Variants in TCTN3 observed in about 807,000 individuals in gnomAD.
The protein encoded by TCTN3 is tectonic family member 3.
Under a neutral mutation model 71.3 loss-of-function variants are expected in TCTN3, and 57 were observed. The ratio of observed to expected loss-of-function variants is 0.80; its 90% CI spans 0.65 to 1.00. The LOEUF is 1.00. TCTN3 is among the 50% of genes least tolerant of loss of function. The pLI is 0.00. For missense variants in TCTN3, 696 were observed against 719.9 expected, an observed-to-expected ratio of 0.97 and a Z score of 0.38; for synonymous variants, 258 against 267.8, an observed-to-expected ratio of 0.96 and a Z score of 0.36.
In TCTN3 at chr10:95,685,199, A is replaced by G. The variant is rs145755210; in HGVS notation, c.969+357T>C. On this transcript the variant is annotated intron_variant, in intron 8 of 13. Coordinates refer to ENST00000371217, the MANE Select transcript of TCTN3 (RefSeq NM_015631.6). Reference sequence around the variant, plus strand: ...ATGTGGTCAGTCAGTAAGAATCAGTAACAGACTGCAAGTGGGCAACAGAAG... The same window carrying G: ...ATGTGGTCAGTCAGTAAGAATCAGTGACAGACTGCAAGTGGGCAACAGAAG... Among the ~76,000 whole-genome samples, 18 of 152,362 alleles carry G rather than the reference A, an allele frequency of 1.2e-4. No individual in the cohort carries two copies. The East Asian group carries it at 3.5e-3, about 29-fold the overall frequency.
chr10:95,693,078 G>A (rs1163385120), intron 2 of TCTN3, 40 bp from the exon 3 acceptor site: 6 of 1,489,668 alleles, frequency 4.0e-6, no homozygotes, highest in Non-Finnish European at 3.7e-6. Flanking sequence ...TTTAGAAGGG[G>A]CGGGGCAGGT....
intron 9 of TCTN3, 93 bp downstream of exon 9, chr10:95,684,406 T>C (rs1430199249): frequency 5.3e-6 from 8 of 1,503,866 alleles, no homozygotes; most frequent in Non-Finnish European, 7.2e-6. Flanking sequence ...TTCATATTCT[T>C]ATTCTATTTC....
intron 12 of TCTN3, among the ~76,000 whole-genome samples, chr10:95,681,852 T>C (rs566072695): frequency 6.6e-6 from 1 of 152,304 alleles, no homozygotes; most frequent in Admixed American, 6.5e-5. Flanking sequence ...GCCTTCAAAT[T>C]TTTTTCTAAG....
intron 7 of TCTN3, 100 bp from the exon 8 acceptor site, chr10:95,685,736 T>A: frequency 1.1e-6 from 1 of 875,200 alleles, no homozygotes; most frequent in Non-Finnish European, 1.8e-6. Flanking sequence ...TTCCTTCCCC[T>A]TGACCACCCT....
chr10:95,673,219 T>C (rs1312916406), intron 13 of TCTN3, among the ~76,000 whole-genome samples: 1 of 152,172 alleles, frequency 6.6e-6, no homozygotes, highest in Non-Finnish European at 1.5e-5. Flanking sequence ...AAGTTTATGG[T>C]CAATGATTTT....
chr10:95,685,156 C>T (rs577789369), intron 8 of TCTN3, among the ~76,000 whole-genome samples: 3 of 152,262 alleles, frequency 2.0e-5, no homozygotes. Context: ...TCAGATGATA[C>T]TGTGTCAAGA....
In TCTN3 at chr10:95,683,506, G is replaced by A. The variant is rs1208676876; in HGVS notation, c.1203+16C>T. The A allele has an allele frequency of 2.0e-5, 33 of 1,614,012 alleles. No individual in the cohort carries two copies. The highest frequency in any genetic ancestry group is 2.8e-5 in the Non-Finnish European group (33 of 1,180,032). On this transcript the variant is annotated intron_variant, in intron 10 of 13. Transcript: ENST00000371217. ...TCATTAGGCTGCAACAGGCCACCCA[G>A]CTCTAAAAAGGATACTGAGTAACTT...
At chr10:95,672,442 T>A (rs767858843) in intron 13 of TCTN3, among the ~76,000 whole-genome samples, 3 of 152,130 alleles carry the variant, frequency 2.0e-5, no homozygotes, top group Non-Finnish European at 2.9e-5. Flanking sequence ...TGTGGATTCA[T>A]AAGGAAGATG....
chr10:95,693,628 C>T lies in TCTN3; in HGVS notation c.256+16G>A, dbSNP rs935958553. 1.3e-6 allele frequency: 2 copies of T among 1,548,764 alleles called. No homozygotes were observed. The highest frequency in any genetic ancestry group is 1.7e-6 in the Non-Finnish European group (2 of 1,146,252). ...TCTCAGAAGTAAGTTTCCACCCCCACAACGTTTTCCCTCACCTGGGAAGAG... is the reference window on the plus strand; with the variant it reads ...TCTCAGAAGTAAGTTTCCACCCCCATAACGTTTTCCCTCACCTGGGAAGAG... On this transcript the variant is annotated intron_variant, in intron 1 of 13. Coordinates refer to ENST00000371217, the MANE Select transcript of TCTN3 (RefSeq NM_015631.6).
rs2139748578 is a variant in TCTN3 at position 95,687,049 on chromosome 10, A to G, written c.847T>C (p.Leu283=). 1 of 1,612,744 alleles carries G rather than the reference A, an allele frequency of 6.2e-7. No individual in the cohort carries two copies. Among genetic ancestry groups the G allele is most frequent in the Non-Finnish European group, 8.5e-7 (1 of 1,178,936 alleles). Residue 283 remains leucine, a synonymous_variant, in exon 6 of 14, where the codon TTA becomes CTA. Transcript: ENST00000371217. ...GGGAGAGAAAGGACACCTACCTTTA[A>G]GACTGTGAAGTTATAGTAAGAGGCA... ...NAASYYNFTV[L]KVPRSMTDPQ...
Position 95,683,146 on chromosome 10 carries a change from T to C in TCTN3, c.1253A>G (p.His418Arg), listed in dbSNP as rs780440917. ...QGNGSCSVKR[H>R]EVQFGVNAIS... is the part of the protein sequence containing the mutation. ...TGCATTCACTCCAAACTGCACTTCA[T>C]GTCTTTTAACAGAGCAACTTCCATT... Residue 418 changes from histidine to arginine, a missense_variant, in exon 11 of 14, where the codon CAT becomes CGT. By Grantham distance (29) the His-to-Arg change is conservative (BLOSUM62 0). Transcript: ENST00000371217. 6 of 1,614,180 alleles carry C rather than the reference T, an allele frequency of 3.7e-6. No homozygotes were observed. Among genetic ancestry groups the C allele is most frequent in the Admixed American group, 3.3e-5 (2 of 60,028 alleles).
chr10:95,682,087 C>T (rs1407397475), intron 12 of TCTN3, among the ~76,000 whole-genome samples: 2 of 151,768 alleles, frequency 1.3e-5, no homozygotes, highest in South Asian at 2.1e-4. Context: ...CCCAGCTACT[C>T]GAGGGGCTGA....
Position 95,693,727 on chromosome 10 carries a change from G to A in TCTN3, c.173C>T (p.Pro58Leu). The A allele has an allele frequency of 1.9e-6, 3 of 1,551,676 alleles. No homozygotes were observed. Among genetic ancestry groups the A allele is most frequent in the Non-Finnish European group, 2.6e-6 (3 of 1,146,984 alleles). ...QSPSEATATRPAVPGLPTVVP... is the reference protein window; with the variant it reads ...QSPSEATATRLAVPGLPTVVP... ...CACTGTAGGGAGTCCAGGCACGGCCGGGCGAGTTGCAGTCGCCTCTGAAGG... is the reference window on the plus strand; with the variant it reads ...CACTGTAGGGAGTCCAGGCACGGCCAGGCGAGTTGCAGTCGCCTCTGAAGG... Residue 58 changes from proline (P) to leucine (L), a missense_variant, in exon 1 of 14, where the codon CCG becomes CTG. Pro to Leu is a moderately conservative substitution (Grantham distance 98). Transcript: ENST00000371217.
rs1428154184 is a variant in TCTN3 at position 95,678,952 on chromosome 10, G to A, written c.1590+1520C>T. On this transcript the variant is annotated intron_variant, in intron 13 of 13. Coordinates refer to ENST00000371217, the MANE Select transcript of TCTN3 (RefSeq NM_015631.6). Reference sequence around the variant, plus strand: ...TTGCAAATCCCTCAAATCACACTTAGTAAAGGAACGTGGTTTTGTGTATAT... The same window carrying A: ...TTGCAAATCCCTCAAATCACACTTAATAAAGGAACGTGGTTTTGTGTATAT... Among the ~76,000 whole-genome samples, 18 of 152,244 alleles carry A rather than the reference G, an allele frequency of 1.2e-4. No individual in the cohort carries two copies. The East Asian group carries it at 3.3e-3, about 28-fold the overall frequency.
At chr10:95,682,030 C>T (rs2097943456) in intron 12 of TCTN3, among the ~76,000 whole-genome samples, 1 of 150,918 alleles carries the variant, frequency 6.6e-6, no homozygotes, top group Non-Finnish European at 1.5e-5. Context: ...CTTGTCTCTA[C>T]AAAAAAATCA....
Position 95,687,646 on chromosome 10 carries a change from T to G in TCTN3, c.573A>C (p.Gly191=). 1.2e-6 allele frequency: 2 copies of G among 1,614,204 alleles called. No individual in the cohort carries two copies. Among genetic ancestry groups the G allele is most frequent in the Non-Finnish European group, 1.7e-6 (2 of 1,180,022 alleles). ...TNFQALAAEF[G]GESFTSTFQT... is the part of the protein sequence containing the mutation. ...GGAATGTTGAAGTGAATGATTCGCC[T>G]CCAAACTCTGCAGCCAGGGCCTGGA... Residue 191 remains glycine (G), a synonymous_variant, in exon 4 of 14, where the codon GGA becomes GGC. Coordinates refer to ENST00000371217, the MANE Select transcript of TCTN3 (RefSeq NM_015631.6).
intron 7 of TCTN3, among the ~76,000 whole-genome samples, chr10:95,686,265 T>C (rs760780026): frequency 6.6e-6 from 1 of 152,236 alleles, no homozygotes; most frequent in Non-Finnish European, 1.5e-5. Context: ...ATATAGTTTA[T>C]TTAACCCAAT....
In TCTN3 at chr10:95,686,440, G is replaced by A. The variant is rs1448012457; in HGVS notation, c.888+55C>T. 5 of 1,580,064 alleles carry A rather than the reference G, an allele frequency of 3.2e-6. No individual in the cohort carries two copies. The African/African-American group carries it at 5.4e-5, about 17-fold the overall frequency. On this transcript the variant is annotated intron_variant, in intron 7 of 13. Transcript: ENST00000371217. Reference sequence around the variant, plus strand: ...TACAACTTAGACTAAAATTGCCTCAGATGCAGAGGAGCCAAATATTCTTTT... The same window carrying A: ...TACAACTTAGACTAAAATTGCCTCAAATGCAGAGGAGCCAAATATTCTTTT...
In TCTN3 at chr10:95,687,526, T is replaced by C. The variant is rs139408341; in HGVS notation, c.627+66A>G. 7.9e-5 allele frequency: 126 copies of C among 1,597,202 alleles called. 1 individual carries two copies. In the East Asian group the frequency reaches 2.7e-3, roughly 34 times the overall value. On this transcript the variant is annotated intron_variant, in intron 4 of 13. Coordinates refer to ENST00000371217, the MANE Select transcript of TCTN3 (RefSeq NM_015631.6). ...TGCAGGGTAGTGCTGCAAAGTTACC[T>C]TGTCAGCTGTCTGCTGTGAGAGTAA...
Sources: allele counts gnomAD v4.1 joint callset (sites outside exome capture counted in the v4.1 genomes callset), GRCh38; gene constraint gnomAD v4.1.1; transcripts MANE v1.5; gene names NCBI Gene and HGNC (gene_info 2026-07-23, HGNC 2026-07-21).